DLG2: variants seen among roughly 807,000 people sequenced by gnomAD.
DLG2 encodes the protein disks large homolog 2.
DLG2 carries 45 observed loss-of-function variants against 132.5 expected under a neutral mutation model. The observed-to-expected ratio is 0.34, with a 90% CI of 0.27 to 0.44. The LOEUF is 0.44. DLG2 is among the 20% of genes least tolerant of loss of function. The probability of loss-of-function intolerance (pLI) is 1.00; values close to 1 mark genes in which losing one functional copy is unlikely to be tolerated. For missense variants in DLG2, 1,045 were observed against 1,196.9 expected (o/e 0.87, Z 1.87); for synonymous variants, 424 against 419.6 (o/e 1.01, Z -0.13).
chr11:83,699,432 C>A (rs1381886848), intron 18 of DLG2, among the ~76,000 whole-genome samples: 1 of 151,926 alleles, frequency 6.6e-6, no homozygotes, highest in Admixed American at 6.6e-5. Context: ...CACAGTGGCT[C>A]ACGCCTGTAA....
Position 85,497,184 on chromosome 11 carries a change from A to C in DLG2, c.40+101473T>G, listed in dbSNP as rs577122762. Among the ~76,000 whole-genome samples, 21 of 152,260 alleles carry C rather than the reference A, an allele frequency of 1.4e-4. 1 individual carries two copies. The highest frequency in any genetic ancestry group is 4.1e-4 in the African/African-American group (17 of 41,550). On this transcript the variant is annotated intron_variant, in intron 3 of 27. Coordinates refer to ENST00000376104, the MANE Select transcript of DLG2 (RefSeq NM_001142699.3). ...CGCAAGGAAGTTAAATCCTTGAAAA[A>C]AGGTTAGACGAATGGCTAACTAGAA...
intron 6 of DLG2, among the ~76,000 whole-genome samples, chr11:84,937,143 C>T (rs1441941700): frequency 6.6e-6 from 1 of 152,142 alleles, no homozygotes; most frequent in African/African-American, 2.4e-5. Flanking sequence ...CAGAGCTAAA[C>T]TCCCTCTTTA....
intron 7 of DLG2, among the ~76,000 whole-genome samples, chr11:84,348,508 A>G (rs1372409337): frequency 6.6e-6 from 1 of 152,202 alleles, no homozygotes; most frequent in Non-Finnish European, 1.5e-5. Flanking sequence ...TAGGTTTGTT[A>G]GCTGCAGAAT....
At chr11:85,336,122 G>C (rs2082112083) in intron 3 of DLG2, 1 of 152,506 alleles carries the variant, frequency 6.6e-6, no homozygotes, top group Admixed American at 6.5e-5. Context: ...ATTTTTTCTG[G>C]CAATGGCAAT....
intron 6 of DLG2, among the ~76,000 whole-genome samples, chr11:84,994,109 G>A (rs975368131): frequency 1.3e-5 from 2 of 152,188 alleles, no homozygotes; most frequent in Non-Finnish European, 2.9e-5. Context: ...AGTAAAATCT[G>A]ATGGTAAAAA....
intron 6 of DLG2, among the ~76,000 whole-genome samples, chr11:84,597,495 A>G (rs778791315): frequency 1.3e-5 from 2 of 152,218 alleles, no homozygotes; most frequent in Admixed American, 6.5e-5. Flanking sequence ...AATGATGTCA[A>G]TGATGGGTGA....
intron 6 of DLG2, among the ~76,000 whole-genome samples, chr11:84,928,982 G>GTA (rs58945482): frequency 1.4e-3 from 69 of 49,116 alleles, no homozygotes; most frequent in Middle Eastern, 0.012. Flanking sequence ...GTGTGTGTGT[G>GTA]TATATATATA....
In DLG2 at chr11:84,526,923, C is replaced by T. The variant is rs1203065961; in HGVS notation, c.519+7647G>A. On this transcript the variant is annotated intron_variant, in intron 7 of 27. Coordinates refer to ENST00000376104, the MANE Select transcript of DLG2 (RefSeq NM_001142699.3). ...CCTCCCGAGTAGCTGGGACTACAGG[C>T]ATCCGCCACCACGCCCGGCTAATTT... 2.6e-5 allele frequency among the ~76,000 whole-genome samples: 4 copies of T among 151,976 alleles called. No individual in the cohort carries two copies. The East Asian group carries it at 7.8e-4, about 29-fold the overall frequency.
intron 26 of DLG2, among the ~76,000 whole-genome samples, chr11:83,463,827 G>A (rs1052855885): frequency 1.3e-5 from 2 of 152,144 alleles, no homozygotes; most frequent in African/African-American, 2.4e-5. Flanking sequence ...GATCATCTTC[G>A]ACCTGCCTTC....
intron 7 of DLG2, among the ~76,000 whole-genome samples, chr11:84,486,940 T>C (rs1269394262): frequency 6.6e-6 from 1 of 152,134 alleles, no homozygotes; most frequent in East Asian, 1.9e-4. Context: ...AGAAGGAGGA[T>C]ATAGATTCTT....
intron 7 of DLG2, among the ~76,000 whole-genome samples, chr11:84,283,734 A>C (rs1157877375): frequency 3.3e-5 from 5 of 152,126 alleles, no homozygotes; most frequent in Non-Finnish European, 7.3e-5. Context: ...CTAAACTGTA[A>C]GCTCAGAGAG....
chr11:85,273,783 C>T (rs1166549330), intron 4 of DLG2, among the ~76,000 whole-genome samples: 1 of 152,140 alleles, frequency 6.6e-6, no homozygotes. Flanking sequence ...ATAAATCATG[C>T]TGCTATAAAT....
intron 9 of DLG2, among the ~76,000 whole-genome samples, chr11:84,106,691 G>C (rs2092936103): frequency 6.6e-6 from 1 of 152,106 alleles, no homozygotes; most frequent in African/African-American, 2.4e-5. Flanking sequence ...GCTTTAACAA[G>C]ATGGGGGATG....
intron 6 of DLG2, among the ~76,000 whole-genome samples, chr11:84,781,057 A>ATGTG (rs35479707): frequency 0.29 from 42,050 of 142,736 alleles, 6,237 homozygotes; most frequent in South Asian, 0.36. Context: ...TCATAACTTA[A>ATGTG]TGTGTGTGTG....
At chr11:84,449,215 A>G (rs1291518876) in intron 7 of DLG2, among the ~76,000 whole-genome samples, 1 of 151,968 alleles carries the variant, frequency 6.6e-6, no homozygotes, top group African/African-American at 2.4e-5. Flanking sequence ...GCAAAATACA[A>G]TAAATAAAAC....
chr11:84,101,408 C>G (rs774752237), intron 9 of DLG2, among the ~76,000 whole-genome samples: 1 of 152,140 alleles, frequency 6.6e-6, no homozygotes, highest in Non-Finnish European at 1.5e-5. Flanking sequence ...ATTTTAAATA[C>G]TTACTGACAC....
At chr11:85,242,035 A>T (rs1175148189) in intron 4 of DLG2, among the ~76,000 whole-genome samples, 1 of 151,950 alleles carries the variant, frequency 6.6e-6, no homozygotes, top group Non-Finnish European at 1.5e-5. Flanking sequence ...TATCATTTAT[A>T]TGTCTGTCAG....
intron 6 of DLG2, among the ~76,000 whole-genome samples, chr11:84,607,238 AT>A (rs1389846000): frequency 1.3e-5 from 2 of 152,164 alleles, no homozygotes; most frequent in Non-Finnish European, 1.5e-5. Context: ...TACGATAACT[AT>A]TATATATTTT....
At chr11:84,910,103 T>A (rs889355864) in intron 6 of DLG2, among the ~76,000 whole-genome samples, 1 of 152,022 alleles carries the variant, frequency 6.6e-6, no homozygotes, top group Non-Finnish European at 1.5e-5. Context: ...AGGGAGGAAA[T>A]TGGAGGTGGG....
Sources: allele counts gnomAD v4.1 joint callset (sites outside exome capture counted in the v4.1 genomes callset), GRCh38; gene constraint gnomAD v4.1.1; transcripts MANE v1.5; gene names NCBI Gene and HGNC (gene_info 2026-07-23, HGNC 2026-07-21).